The following CADPS2 variants were observed in gnomAD, a reference collection of about 807,000 sequenced individuals.
The protein encoded by CADPS2 is calcium-dependent secretion activator 2.
In CADPS2, 93 loss-of-function variants were observed where a neutral mutation model predicts 172.5. The ratio of observed to expected loss-of-function variants is 0.54; its 90% CI spans 0.46 to 0.64. CADPS2 has a LOEUF of 0.64. Among genes scored for constraint, CADPS2 ranks in the 30% least tolerant of loss-of-function variants. The probability of loss-of-function intolerance (pLI) is 0.00; values close to 1 mark genes in which losing one functional copy is unlikely to be tolerated. For missense variants in CADPS2, 1,420 were observed against 1,565.9 expected (o/e 0.91, Z 1.57); for synonymous variants, 546 against 555.2 (o/e 0.98, Z 0.23).
chr7:122,749,322 T>C (rs1588965226), intron 1 of CADPS2, among the ~76,000 whole-genome samples: 1 of 152,054 alleles, frequency 6.6e-6, no homozygotes, highest in Non-Finnish European at 1.5e-5. Context: ...AGGTGCCTAA[T>C]AGCTGATTAA....
chr7:122,475,596 T>C (rs2056541011), intron 12 of CADPS2, among the ~76,000 whole-genome samples: 2 of 152,234 alleles, frequency 1.3e-5, no homozygotes, highest in African/African-American at 2.4e-5. Context: ...TATTGATCTG[T>C]GGACATGATG....
chr7:122,869,322 A>T (rs879523283), intron 1 of CADPS2, among the ~76,000 whole-genome samples: 1 of 152,144 alleles, frequency 6.6e-6, no homozygotes, highest in Admixed American at 6.5e-5. Flanking sequence ...ATATTGAAAA[A>T]TCTGCATAAG....
At chr7:122,357,314 A>G (rs565575373) in intron 27 of CADPS2, 1 of 152,298 alleles carries the variant, frequency 6.6e-6, no homozygotes, top group South Asian at 2.1e-4. Flanking sequence ...CAACCAGAGT[A>G]CAATGCTTAT....
chr7:122,710,923 C>A (rs1564142596), intron 2 of CADPS2, among the ~76,000 whole-genome samples: 1 of 152,116 alleles, frequency 6.6e-6, no homozygotes, highest in African/African-American at 2.4e-5. Flanking sequence ...TCTGTCTCTA[C>A]ACTAGCACAA....
intron 29 of CADPS2, among the ~76,000 whole-genome samples, chr7:122,322,663 C>T (rs2032838099): frequency 6.6e-6 from 1 of 152,184 alleles, no homozygotes; most frequent in Non-Finnish European, 1.5e-5. Flanking sequence ...CTTTTCCCCT[C>T]CCCCAAAAAA....
rs767060467 is a variant in CADPS2 at position 122,615,255 on chromosome 7, A to G, written c.1149T>C (p.Asn383=). ...EVQGLKSVAP[N]RIVYCTMEVE... ...CTTCCATTGTACAGTAAACAATTCG[A>G]TTGGGAGCAACTGACTTCAGGCCTT... Residue 383 remains asparagine (N), a synonymous_variant, in exon 6 of 30, where the codon AAT becomes AAC. Transcript: ENST00000449022. 1 of 1,556,690 alleles carries G rather than the reference A, an allele frequency of 6.4e-7. No homozygotes were observed. Among genetic ancestry groups the G allele is most frequent in the South Asian group, 1.2e-5 (1 of 84,282 alleles).
At chr7:122,642,041 A>G (rs372491811) in intron 3 of CADPS2, among the ~76,000 whole-genome samples, 5 of 152,068 alleles carry the variant, frequency 3.3e-5, no homozygotes, top group African/African-American at 1.2e-4. Flanking sequence ...GCACTTTGGG[A>G]AGCTGAGGCA....
chr7:122,882,472 T>C (rs769496546), intron 1 of CADPS2, among the ~76,000 whole-genome samples: 6 of 152,172 alleles, frequency 3.9e-5, no homozygotes, highest in Non-Finnish European at 8.8e-5. Context: ...CTACCAGCAC[T>C]TTAAGCCATA....
chr7:122,411,979 C>T (rs560686836), intron 19 of CADPS2, among the ~76,000 whole-genome samples: 1 of 152,254 alleles, frequency 6.6e-6, no homozygotes, highest in African/African-American at 2.4e-5. Flanking sequence ...AAGTATTATC[C>T]TCATTCATAT....
chr7:122,733,415 C>T (rs1054734805), intron 2 of CADPS2, among the ~76,000 whole-genome samples: 1 of 151,776 alleles, frequency 6.6e-6, no homozygotes, highest in African/African-American at 2.4e-5. Context: ...ACAGAAATGG[C>T]TCTTTCATGG....
rs1380101908 is a variant in CADPS2 at position 122,886,374 on chromosome 7, C to A, written c.-37G>T. 6.7e-7 allele frequency: 1 copy of A among 1,482,642 alleles called. No individual in the cohort carries two copies. Among genetic ancestry groups the A allele is most frequent in the South Asian group, 1.3e-5 (1 of 78,606 alleles). 91.8% of individuals were successfully genotyped at this position (1,482,642 alleles called of 1,614,324 possible). ...ATCCCCGCCGCTCGGCCCGCGGTCC[C>A]CAAGCGCCTCACCCCCGGCGGCTGC... On this transcript the variant is annotated 5_prime_UTR_variant, in exon 1 of 30. Coordinates refer to ENST00000449022, the MANE Select transcript of CADPS2 (RefSeq NM_017954.11).
At chr7:122,558,147 A>AT (rs1242256631) in intron 7 of CADPS2, among the ~76,000 whole-genome samples, 3 of 152,214 alleles carry the variant, frequency 2.0e-5, no homozygotes, top group African/African-American at 7.2e-5. Flanking sequence ...CCTAACTAGT[A>AT]TATCAACAAG....
intron 8 of CADPS2, among the ~76,000 whole-genome samples, chr7:122,519,174 A>G (rs1246906211): frequency 6.6e-6 from 1 of 152,122 alleles, no homozygotes; most frequent in Non-Finnish European, 1.5e-5. Context: ...CCCATTGTAC[A>G]TGACATTTTC....
At chr7:122,582,621 A>T (rs944072905) in intron 6 of CADPS2, among the ~76,000 whole-genome samples, 1 of 152,092 alleles carries the variant, frequency 6.6e-6, no homozygotes, top group African/African-American at 2.4e-5. Flanking sequence ...AACCAAAATA[A>T]GGCATAAAGA....
intron 1 of CADPS2, among the ~76,000 whole-genome samples, chr7:122,838,834 G>C (rs542305233): frequency 6.6e-6 from 1 of 152,124 alleles, no homozygotes; most frequent in Non-Finnish European, 1.5e-5. Context: ...AATCAATATC[G>C]TGAAAACGGT....
At chr7:122,416,190 GTT>G (rs1370279227) in intron 17 of CADPS2, 26 bp from the exon 18 acceptor site, 1 of 1,377,504 alleles carries the variant, frequency 7.3e-7, no homozygotes, top group Admixed American at 2.0e-5. Context: ...TCATAATCAT[GTT>G]ACCTTGAAAA....
intron 17 of CADPS2, among the ~76,000 whole-genome samples, chr7:122,431,143 T>C (rs897782070): frequency 1.3e-5 from 2 of 152,260 alleles, no homozygotes; most frequent in Non-Finnish European, 2.9e-5. Context: ...TATTTAGTAA[T>C]TGGTTTGAAA....
chr7:122,748,597 A>G (rs1446833705), intron 1 of CADPS2, among the ~76,000 whole-genome samples: 2 of 152,118 alleles, frequency 1.3e-5, no homozygotes, highest in Non-Finnish European at 2.9e-5. Flanking sequence ...AAAATATGAC[A>G]TAAAATTACT....
At chr7:122,403,561 T>A (rs761818240) in intron 20 of CADPS2, among the ~76,000 whole-genome samples, 13 of 152,256 alleles carry the variant, frequency 8.5e-5, no homozygotes, top group Non-Finnish European at 1.9e-4. Context: ...GAGAGAAATA[T>A]AAAACATATT....
Sources: gnomAD v4.1 joint callset for allele counts (sites outside exome capture counted in the v4.1 genomes callset) on GRCh38, gnomAD v4.1.1 for gene constraint, MANE v1.5 for transcripts, NCBI Gene and HGNC (gene_info 2026-07-23, HGNC 2026-07-21) for gene names.